BOC: variants seen among roughly 807,000 people sequenced by gnomAD.
BOC encodes BOC cell adhesion associated, oncogene regulated, also known as brother of CDO.
Under a neutral mutation model 112.0 loss-of-function variants are expected in BOC, and 76 were observed. The observed-to-expected ratio is 0.68, with a 90% CI of 0.56 to 0.82. BOC has a LOEUF of 0.82. Among genes scored for constraint, BOC ranks in the 40% least tolerant of loss-of-function variants. BOC has a pLI of 0.00. For missense variants in BOC, 1,309 were observed against 1,511.7 expected, an observed-to-expected ratio of 0.87 and a Z score of 2.22; for synonymous variants, 580 against 599.8, an observed-to-expected ratio of 0.97 and a Z score of 0.48.
intron 15 of BOC, among the ~76,000 whole-genome samples, chr3:113,282,206 G>T (rs1949262242): frequency 6.6e-6 from 1 of 152,182 alleles, no homozygotes; most frequent in Non-Finnish European, 1.5e-5. Context: ...GCCACTGGAG[G>T]CTGTGAGGTG....
chr3:113,250,912 C>A, intron 4 of BOC, 79 bp downstream of exon 4: 1 of 1,541,350 alleles, frequency 6.5e-7, no homozygotes, highest in Non-Finnish European at 8.8e-7. Flanking sequence ...ACCATTCATG[C>A]TGCCTCTTGT....
Position 113,249,824 on chromosome 3 carries a change from G to A in BOC, c.22G>A (p.Ala8Thr). 6.2e-7 allele frequency: 1 copy of A among 1,613,148 alleles called. No homozygotes were observed. The highest frequency in any genetic ancestry group is 1.1e-5 in the South Asian group (1 of 90,920). Residue 8 changes from alanine (A) to threonine (T), a missense_variant, in exon 3 of 20, where the codon GCG becomes ACG. Physicochemically the swap from Ala to Thr is moderately conservative, Grantham distance 58 (BLOSUM62 0). Coordinates refer to ENST00000682979, the MANE Select transcript of BOC (RefSeq NM_001378074.1). Reference protein sequence around the residue: MLRGTMTAWRGMRPEVTL... With the variant: MLRGTMTTWRGMRPEVTL... ...CACCATGCTGCGTGGGACGATGACG[G>A]CGTGGAGAGGAATGAGGCCTGAGGT... is the stretch of plus-strand genomic sequence containing the variant.
In BOC at chr3:113,285,397, G is replaced by A. The variant is rs764204171; in HGVS notation, c.2992G>A (p.Gly998Ser). 6.2e-7 allele frequency: 1 copy of A among 1,613,380 alleles called. No homozygotes were observed. Among genetic ancestry groups the A allele is most frequent in the Non-Finnish European group, 8.5e-7 (1 of 1,179,868 alleles). The change falls in exon 19 of 20, where the codon GGC (glycine) becomes AGC (serine). Residue 998 changes from glycine to serine, a missense_variant. Transcript: ENST00000682979. ...TRGPKSSPDE[G>S]SFLYTLPDDS... Reference sequence around the variant, plus strand: ...GGGTCCCAAGTCTAGCCCGGACGAGGGCTCTTTCTTATACACACTGCCCGA... The same window carrying A: ...GGGTCCCAAGTCTAGCCCGGACGAGAGCTCTTTCTTATACACACTGCCCGA...
Position 113,279,902 on chromosome 3 carries a change from TG to T in BOC, c.2104del (p.Val702CysfsTer104). ...CCCAGCGCCCCCTCTCGGCCCTACGTGGTGTCGGGCTACAGCGGTCGCGTGT... is the reference window on the plus strand; with the variant it reads ...CCCAGCGCCCCCTCTCGGCCCTACGTGTGTCGGGCTACAGCGGTCGCGTGT... ...SEPSAPSRPY[V>X]VSGYSGRVYE... On this transcript the variant is annotated frameshift_variant, in exon 13 of 20. Transcript: ENST00000682979. LOFTEE classifies it high-confidence loss of function. 1 of 1,613,900 alleles carries T rather than the reference TG, an allele frequency of 6.2e-7. No individual in the cohort carries two copies. Among genetic ancestry groups the T allele is most frequent in the Non-Finnish European group, 8.5e-7 (1 of 1,179,938 alleles).
intron 5 of BOC, among the ~76,000 whole-genome samples, chr3:113,269,025 C>T (rs1375259544): frequency 2.0e-5 from 3 of 152,192 alleles, no homozygotes; most frequent in African/African-American, 4.8e-5. Context: ...TGAGATGCTG[C>T]TGTTCCATCC....
chr3:113,258,203 A>C (rs7620307), intron 4 of BOC, among the ~76,000 whole-genome samples: 58,119 of 151,898 alleles, frequency 0.38, 12,053 homozygotes, highest in East Asian at 0.59. Context: ...AGACCTTTAA[A>C]AACCAAATTC....
At chr3:113,286,543 T>C in intron 19 of BOC, 132 bp from the exon 20 acceptor site, 2 of 815,676 alleles carry the variant, frequency 2.5e-6, no homozygotes, top group African/African-American at 1.8e-5. Flanking sequence ...CTTGTCTCGG[T>C]TGTAGGTTTC....
Position 113,285,551 on chromosome 3 carries a change from CT to C in BOC, c.3147del (p.Pro1050HisfsTer26). 1 of 1,582,670 alleles carries C rather than the reference CT, an allele frequency of 6.3e-7. No individual in the cohort carries two copies. Among genetic ancestry groups the C allele is most frequent in the Non-Finnish European group, 8.6e-7 (1 of 1,163,872 alleles). On this transcript the variant is annotated frameshift_variant, in exon 19 of 20. Coordinates refer to ENST00000682979, the MANE Select transcript of BOC (RefSeq NM_001378074.1). LOFTEE classifies it high-confidence loss of function. The stretch of plus-strand genomic sequence containing the variant: ...CCTGTCCTGGAAGCAGTGTGGGACC[CT>C]CCATTTCACTCAGGTTGGTTCCAGG... ...DSPVLEAVWD[P>X]PFHSGPPCCL...
intron 5 of BOC, 65 bp from the exon 6 acceptor site, chr3:113,270,736 T>C (rs1167581450): frequency 1.5e-5 from 23 of 1,524,008 alleles, no homozygotes; most frequent in Non-Finnish European, 1.9e-5. Context: ...CTCTCCTTTG[T>C]GGAAGCTGCA....
Position 113,270,726 on chromosome 3 carries a change from C to T in BOC, c.524-75C>T, listed in dbSNP as rs532730677. On this transcript the variant is annotated intron_variant, in intron 5 of 19. Transcript: ENST00000682979. ...AGCCTGTTCCTCTCCCTCCGTGCACCTCTCCTTTGTGGAAGCTGCAGAGTG... is the reference window on the plus strand; with the variant it reads ...AGCCTGTTCCTCTCCCTCCGTGCACTTCTCCTTTGTGGAAGCTGCAGAGTG... 3.1e-5 allele frequency: 47 copies of T among 1,515,582 alleles called. No homozygotes were observed. The African/African-American group carries it at 6.2e-4, about 20-fold the overall frequency. The allele number at this position is 1,515,582 out of a possible 1,614,324, so 93.9% of individuals were successfully genotyped here.
At chr3:113,239,080 G>C (rs1038310800) in intron 2 of BOC, among the ~76,000 whole-genome samples, 1 of 152,172 alleles carries the variant, frequency 6.6e-6, no homozygotes. Context: ...AAATACAACA[G>C]ATACACTCGA....
At chr3:113,257,362 T>G (rs1315795334) in intron 4 of BOC, among the ~76,000 whole-genome samples, 2 of 152,182 alleles carry the variant, frequency 1.3e-5, no homozygotes, top group African/African-American at 4.8e-5. Context: ...CTACCAGAGA[T>G]GCATTCACTG....
rs1945514031 is a variant in BOC, at chr3:113,250,729, T to TC, written c.273dup (p.Val92ArgfsTer6). The stretch of plus-strand genomic sequence containing the variant: ...GGTGTCCTCATCACCCACGGGACCC[T>TC]CGTCATCACTGCCCTTAACAACCAC... On this transcript the variant is annotated frameshift_variant, in exon 4 of 20. Transcript: ENST00000682979. LOFTEE classifies it high-confidence loss of function. 1.2e-6 allele frequency: 2 copies of TC among 1,614,008 alleles called. No individual in the cohort carries two copies.
chr3:113,283,829 A>G (rs1488156258), intron 16 of BOC, among the ~76,000 whole-genome samples, 197 bp downstream of exon 16: 1 of 151,404 alleles, frequency 6.6e-6, no homozygotes, highest in Admixed American at 6.6e-5. Context: ...AAGGAGGGAA[A>G]GTTGGGCTGT....
chr3:113,271,168 G>T, intron 6 of BOC: 1 of 701,930 alleles, frequency 1.4e-6, no homozygotes, highest in Non-Finnish European at 2.6e-6. Context: ...GCGACTGCCT[G>T]CTGCCACACC....
At chr3:113,272,940 A>T in intron 7 of BOC, 129 bp from the exon 8 acceptor site, 1 of 1,239,726 alleles carries the variant, frequency 8.1e-7, no homozygotes, top group Non-Finnish European at 1.1e-6. Context: ...CCTTCCCTCT[A>T]CTCTGCCCAT....
intron 2 of BOC, among the ~76,000 whole-genome samples, chr3:113,242,297 AC>A (rs1944409474): frequency 6.6e-6 from 1 of 151,090 alleles, no homozygotes; most frequent in Non-Finnish European, 1.5e-5. Flanking sequence ...TAGCAATAAA[AC>A]CCCCCACACT....
chr3:113,216,948 G>A (rs377386502), intron 2 of BOC, among the ~76,000 whole-genome samples: 7 of 152,182 alleles, frequency 4.6e-5, no homozygotes, highest in African/African-American at 9.7e-5. Context: ...AAAATTACCC[G>A]AAGCTGAGCA....
At chr3:113,240,262 A>G (rs1009601936) in intron 2 of BOC, among the ~76,000 whole-genome samples, 2 of 152,202 alleles carry the variant, frequency 1.3e-5, no homozygotes, top group Non-Finnish European at 2.9e-5. Context: ...AAAAACAACA[A>G]CAACGAGCAC....
Sources: allele counts gnomAD v4.1 joint callset (sites outside exome capture counted in the v4.1 genomes callset), GRCh38; gene constraint gnomAD v4.1.1; transcripts MANE v1.5; gene names NCBI Gene and HGNC (gene_info 2026-07-23, HGNC 2026-07-21).